The following HARS1 variants were observed in gnomAD, a reference collection of about 807,000 sequenced individuals.
HARS1 encodes the protein histidine--tRNA ligase, cytoplasmic.
A neutral mutation model predicts 63.6 loss-of-function variants in HARS1; 45 were observed. The observed-to-expected ratio is 0.71, with a 90% CI of 0.56 to 0.91. HARS1 has a LOEUF of 0.91. Among genes scored for constraint, HARS1 ranks in the 40% least tolerant of loss-of-function variants. The pLI, the probability that HARS1 is intolerant of heterozygous loss-of-function variation, is 0.00. For missense variants in HARS1, 508 were observed against 643.2 expected (o/e 0.79, Z 2.27); for synonymous variants, 205 against 247.1 (o/e 0.83, Z 1.60).
At chr5:140,686,480 C>A (rs1230811423) in intron 2 of HARS1, among the ~76,000 whole-genome samples, 1 of 152,168 alleles carries the variant, frequency 6.6e-6, no homozygotes, top group Non-Finnish European at 1.5e-5. Flanking sequence ...CTCAGGTGAT[C>A]CGCCCACCTT....
Position 140,676,991 on chromosome 5 carries a change from TG to T in HARS1, c.948del (p.Asp316GlufsTer7). The T allele has an allele frequency of 1.2e-6, 2 of 1,614,264 alleles. No individual in the cohort carries two copies. The highest frequency in any genetic ancestry group is 1.7e-6 in the Non-Finnish European group (2 of 1,180,050). The stretch of plus-strand genomic sequence containing the variant: ...ATCCCGTCCCCAACTTGACTCACTT[TG>T]TCATCAATGCCAAATAGGGTCAGGT... Reference protein sequence around the residue: ...FEYLTLFGIDDKISFDLSLAR... With the variant: ...FEYLTLFGIDXKISFDLSLAR... On this transcript the variant is annotated frameshift_variant, in exon 9 of 13. Coordinates refer to ENST00000504156, the MANE Select transcript of HARS1 (RefSeq NM_002109.6). LOFTEE classifies it high-confidence loss of function. The surrounding 1 kb of genome is among the most constrained non-coding windows in gnomAD (Gnocchi z 4.1).
At position 140,676,600 on chromosome 5, in the gene HARS1, G is replaced by A; in HGVS notation, c.1194+54C>T. 1 of 1,579,966 alleles carries A rather than the reference G, an allele frequency of 6.3e-7. No individual in the cohort carries two copies. The highest frequency in any genetic ancestry group is 8.7e-7 in the Non-Finnish European group (1 of 1,155,072). ...CACTTGCTCCCTTGGAGATCAGATA[G>A]CTTAGGTGCCACCACCTGCTCAGAC... On this transcript the variant is annotated intron_variant, in intron 10 of 12. Transcript: ENST00000504156. This position sits in a 1 kb window ranked among gnomAD's most constrained non-coding sequence, Gnocchi z 4.1.
At chr5:140,686,078 C>T (rs1562023159) in intron 2 of HARS1, among the ~76,000 whole-genome samples, 1 of 147,598 alleles carries the variant, frequency 6.8e-6, no homozygotes, top group African/African-American at 2.5e-5. Flanking sequence ...TACATACAGG[C>T]GCGTGCCACC....
At chr5:140,678,853 A>G in intron 5 of HARS1, 149 bp downstream of exon 5, 2 of 833,814 alleles carry the variant, frequency 2.4e-6, no homozygotes, top group Non-Finnish European at 3.6e-6. Flanking sequence ...CAAAAAAACA[A>G]AAAACAAACA....
chr5:140,689,787 G>T (rs954115635), intron 2 of HARS1, among the ~76,000 whole-genome samples: 2 of 152,208 alleles, frequency 1.3e-5, no homozygotes, highest in Non-Finnish European at 2.9e-5. Context: ...TATGTATGAA[G>T]TGCCAAGAGC....
chr5:140,675,074 C>T lies in HARS1; in HGVS notation c.1254G>A (p.Lys418=), dbSNP rs569637891. The T allele has an allele frequency of 6.2e-7, 1 of 1,613,856 alleles. No individual in the cohort carries two copies. Among genetic ancestry groups the T allele is most frequent in the South Asian group, 1.1e-5 (1 of 91,080 alleles). Residue 418 remains lysine (K), a synonymous_variant, in exon 11 of 13, where the codon AAG becomes AAA. Transcript: ENST00000504156. ...ETQVLVASAQ[K]KLLEERLKLV... is the part of the protein sequence containing the mutation. ...GCTTTAGTCTTTCCTCTAGCAGCTT[C>T]TTCTGTGCAGATGCCACAAGCACCT...
At position 140,674,101 on chromosome 5, in the gene HARS1, A is replaced by C; in HGVS notation, c.*156T>G. ...GCCGTTTTTGCCAGTAATAATCAAT[A>C]AAATAACCATAATAAAAATCAAAGG... On this transcript the variant is annotated 3_prime_UTR_variant, in exon 13 of 13. Transcript: ENST00000504156. 1.4e-6 allele frequency: 1 copy of C among 708,686 alleles called. No individual in the cohort carries two copies. Among genetic ancestry groups the C allele is most frequent in the Non-Finnish European group, 2.6e-6 (1 of 383,824 alleles). The allele number at this position is 708,686 out of a possible 1,614,324, so 43.9% of individuals were successfully genotyped here.
At chr5:140,678,926 T>G (rs964948762) in intron 5 of HARS1, 76 bp downstream of exon 5, 40 of 1,472,544 alleles carry the variant, frequency 2.7e-5, no homozygotes, top group Middle Eastern at 2.2e-4. Context: ...CAGGACACCG[T>G]GAGTACTCAA....
chr5:140,673,949 G>A lies in HARS1; in HGVS notation c.*308C>T. The stretch of plus-strand genomic sequence containing the variant: ...ATTGGACCTTTGGCAATTGGTGGTG[G>A]GGAGGCATCTGCTCCAACTGGTGCG... On this transcript the variant is annotated 3_prime_UTR_variant, in exon 13 of 13. Transcript: ENST00000504156. The A allele has an allele frequency of 3.6e-6, 2 of 563,312 alleles. No individual in the cohort carries two copies. Among genetic ancestry groups the A allele is most frequent in the Non-Finnish European group, 6.3e-6 (2 of 315,436 alleles). 34.9% of individuals were successfully genotyped at this position (563,312 alleles called of 1,614,324 possible). A position where few individuals can be genotyped will look rare whatever the true frequency, so the allele number is the denominator to read the frequency against.
chr5:140,680,207 C>T (rs1022093732), intron 3 of HARS1, among the ~76,000 whole-genome samples: 4 of 150,784 alleles, frequency 2.7e-5, no homozygotes, highest in South Asian at 2.1e-4. Context: ...AGTGCAGTGG[C>T]GTGATCTCGG....
At chr5:140,678,440 C>A in intron 5 of HARS1, 1 of 186,616 alleles carries the variant, frequency 5.4e-6, no homozygotes, top group Non-Finnish European at 1.1e-5. Flanking sequence ...CTTTGCCTTT[C>A]TTATCCCTAT....
Position 140,679,151 on chromosome 5 carries a change from A to G in HARS1, c.397-24T>C. 1 of 1,612,812 alleles carries G rather than the reference A, an allele frequency of 6.2e-7. No homozygotes were observed. Among genetic ancestry groups the G allele is most frequent in the Non-Finnish European group, 8.5e-7 (1 of 1,179,088 alleles). On this transcript the variant is annotated intron_variant, in intron 4 of 12. Coordinates refer to ENST00000504156, the MANE Select transcript of HARS1 (RefSeq NM_002109.6). This position sits in a 1 kb window ranked among gnomAD's most constrained non-coding sequence, Gnocchi z 4.3. ...ACCTGATGACAAAGAGTTAAGGAGA[A>G]AGCCCCTCCTATCACTGTCTGCAAG... is the stretch of plus-strand genomic sequence containing the variant.
chr5:140,682,500 G>T (rs1243792005), intron 3 of HARS1, among the ~76,000 whole-genome samples: 1 of 152,184 alleles, frequency 6.6e-6, no homozygotes, highest in Non-Finnish European at 1.5e-5. Flanking sequence ...TGTACTATAA[G>T]TGCAGTGGGA....
intron 3 of HARS1, among the ~76,000 whole-genome samples, chr5:140,680,110 C>T (rs1324319255): frequency 2.7e-5 from 4 of 150,660 alleles, no homozygotes; most frequent in Non-Finnish European, 4.4e-5. Context: ...ACATTTTCCT[C>T]TTAAAAATCT....
At chr5:140,681,909 C>T (rs754786276) in intron 3 of HARS1, among the ~76,000 whole-genome samples, 21 of 151,986 alleles carry the variant, frequency 1.4e-4, no homozygotes, top group Non-Finnish European at 2.8e-4. Context: ...TAAATATGTA[C>T]AATTAAATAT....
At chr5:140,678,189 TTG>T (rs1162201937) in intron 5 of HARS1, 174 bp from the exon 6 acceptor site, 2 of 599,642 alleles carry the variant, frequency 3.3e-6, no homozygotes, top group African/African-American at 3.7e-5. Flanking sequence ...CTCACCAGTT[TTG>T]GTTTCCTTTC....
intron 1 of HARS1, 123 bp downstream of exon 1, chr5:140,691,092 G>T (rs946030995): frequency 7.6e-6 from 7 of 919,514 alleles, no homozygotes; most frequent in Non-Finnish European, 1.2e-5. Context: ...TCCCCACGCA[G>T]CCCACTCTCC....
intron 3 of HARS1, among the ~76,000 whole-genome samples, chr5:140,680,247 A>G (rs1296716229): frequency 6.6e-6 from 1 of 151,920 alleles, no homozygotes; most frequent in African/African-American, 2.4e-5. Flanking sequence ...CCGGGGTTCA[A>G]GAGATTCTCC....
chr5:140,676,941 C>A lies in HARS1; in HGVS notation c.952-45G>T. The A allele has an allele frequency of 1.2e-6, 2 of 1,613,838 alleles. No homozygotes were observed. The highest frequency in any genetic ancestry group is 1.7e-6 in the Non-Finnish European group (2 of 1,179,766). On this transcript the variant is annotated intron_variant, in intron 9 of 12. Coordinates refer to ENST00000504156, the MANE Select transcript of HARS1 (RefSeq NM_002109.6). This position sits in a 1 kb window ranked among gnomAD's most constrained non-coding sequence, Gnocchi z 4.1. ...GTCAGTGCCAGATTAAGATCAGGGA[C>A]CTGAAGCCCCAGAGCTCAGAAGGGA...
Sources: gnomAD v4.1 joint callset for allele counts (sites outside exome capture counted in the v4.1 genomes callset) on GRCh38, gnomAD v4.1.1 for gene constraint, Gnocchi (gnomAD v3.1) non-coding constraint, MANE v1.5 for transcripts, NCBI Gene and HGNC (gene_info 2026-07-23, HGNC 2026-07-21) for gene names.